CAST: variants seen among roughly 807,000 people sequenced by gnomAD.
CAST encodes the protein calpastatin, also known as MIR583 host.
In CAST, 76 loss-of-function variants were observed where a neutral mutation model predicts 119.6. The ratio of observed to expected loss-of-function variants is 0.64; its 90% CI spans 0.53 to 0.77. CAST has a LOEUF of 0.77. Ranked by LOEUF, CAST falls within the 30% of genes least tolerant of loss-of-function variation. CAST has a pLI of 0.00. For missense variants in CAST, 953 were observed against 946.5 expected (o/e 1.01, Z -0.09); for synonymous variants, 319 against 331.6 (o/e 0.96, Z 0.41).
At chr5:96,359,931 C>T in the CAST span, among the ~76,000 whole-genome samples, 1 of 152,150 alleles carries the variant, frequency 6.6e-6, no homozygotes, top group Non-Finnish European at 1.5e-5. Flanking sequence ...AGGGTGTCTT[C>T]CAACTTGGTT....
At chr5:96,070,833 C>T in the CAST span, among the ~76,000 whole-genome samples, 1 of 152,082 alleles carries the variant, frequency 6.6e-6, no homozygotes, top group Non-Finnish European at 1.5e-5. Context: ...GTATGTAACC[C>T]TAGGAACATC....
At chr5:96,023,577 G>A in the CAST span, among the ~76,000 whole-genome samples, 1 of 151,920 alleles carries the variant, frequency 6.6e-6, no homozygotes, top group South Asian at 2.1e-4. Context: ...TCTTCTTATG[G>A]CTACTTCATG....
the CAST span, among the ~76,000 whole-genome samples, chr5:96,052,920 C>A: frequency 1.3e-5 from 2 of 152,158 alleles, no homozygotes; most frequent in Admixed American, 6.5e-5. Context: ...GGATTAGGTG[C>A]TTTTACATAT....
intron 1 of CAST, among the ~76,000 whole-genome samples, chr5:96,538,727 A>G (rs1447281246): frequency 8.2e-6 from 1 of 121,388 alleles, no homozygotes. Context: ...TCACTCATAC[A>G]TAAGACCCCC....
chr5:96,360,863 C>T, the CAST span, among the ~76,000 whole-genome samples: 2 of 152,214 alleles, frequency 1.3e-5, no homozygotes, highest in African/African-American at 4.8e-5. Context: ...AAGAGCTGTG[C>T]TGGGAGATCC....
At chr5:96,592,803 C>T (rs919134408) in intron 1 of CAST, among the ~76,000 whole-genome samples, 9 of 150,044 alleles carry the variant, frequency 6.0e-5, no homozygotes, top group Non-Finnish European at 1.0e-4. Flanking sequence ...CTTGCTCTGT[C>T]GCCCAGGCTG....
intron 24 of CAST, among the ~76,000 whole-genome samples, chr5:96,758,983 G>C (rs1418686057): frequency 6.6e-6 from 1 of 152,060 alleles, no homozygotes; most frequent in African/African-American, 2.4e-5. Flanking sequence ...TATTACAATT[G>C]TTAGGGTTGT....
intron 9 of CAST, among the ~76,000 whole-genome samples, chr5:96,731,869 A>T (rs1760603070): frequency 1.3e-5 from 2 of 152,188 alleles, no homozygotes; most frequent in South Asian, 4.2e-4. Context: ...TCCATGGTGT[A>T]TATGTGCCAC....
intron 25 of CAST, 99 bp from the exon 26 acceptor site, chr5:96,765,122 G>C (rs965943113): frequency 2.8e-6 from 2 of 719,636 alleles, no homozygotes; most frequent in Non-Finnish European, 2.5e-6. Flanking sequence ...TTCTTCCAAG[G>C]AAACAGGTTC....
intron 1 of CAST, among the ~76,000 whole-genome samples, chr5:96,619,508 C>T (rs1452894347): frequency 6.6e-6 from 1 of 152,262 alleles, no homozygotes; most frequent in Non-Finnish European, 1.5e-5. Context: ...CTAGCAGCAG[C>T]AACCTGCTGG....
chr5:96,448,732 T>C, the CAST span, among the ~76,000 whole-genome samples: 1 of 152,088 alleles, frequency 6.6e-6, no homozygotes, highest in Non-Finnish European at 1.5e-5. Flanking sequence ...GGGAGGAGTC[T>C]GGGCTAGTAT....
At chr5:96,252,771 A>T in the CAST span, among the ~76,000 whole-genome samples, 2 of 152,170 alleles carry the variant, frequency 1.3e-5, no homozygotes, top group Non-Finnish European at 2.9e-5. Flanking sequence ...GATTTCTAAA[A>T]TACAGGAAGT....
chr5:96,669,899 A>G (rs76921443), intron 1 of CAST, among the ~76,000 whole-genome samples: 2,609 of 152,282 alleles, frequency 0.017, 38 homozygotes, highest in Non-Finnish European at 0.025. Flanking sequence ...ACTTTAGAAA[A>G]ATTTATCCAT....
At chr5:96,399,073 A>G in the CAST span, 1 of 1,508,766 alleles carries the variant, frequency 6.6e-7, no homozygotes, top group Non-Finnish European at 9.1e-7. Flanking sequence ...AATAAAGTAT[A>G]TCCAAACTTC....
At chr5:96,064,819 G>T in the CAST span, among the ~76,000 whole-genome samples, 1 of 151,972 alleles carries the variant, frequency 6.6e-6, no homozygotes, top group Non-Finnish European at 1.5e-5. Flanking sequence ...ATTGTTTTTT[G>T]TTTCTGATTC....
chr5:96,730,649 T>A, intron 8 of CAST, 131 bp from the exon 9 acceptor site: 1 of 690,074 alleles, frequency 1.4e-6, no homozygotes, highest in Non-Finnish European at 2.6e-6. Context: ...ACAATAGAAG[T>A]GAGCAAACAT....
At chr5:96,190,741 T>G in the CAST span, among the ~76,000 whole-genome samples, 4 of 152,184 alleles carry the variant, frequency 2.6e-5, no homozygotes, top group Non-Finnish European at 5.9e-5. Flanking sequence ...ATTTCAACCT[T>G]TTTTTAAATT....
the CAST span, among the ~76,000 whole-genome samples, chr5:96,360,126 A>G: frequency 6.6e-6 from 1 of 151,532 alleles, no homozygotes; most frequent in Non-Finnish European, 1.5e-5. Context: ...TGATCGCTTC[A>G]GCTATTGATA....
the CAST span, among the ~76,000 whole-genome samples, chr5:95,971,010 A>G: frequency 2.6e-5 from 4 of 152,210 alleles, no homozygotes; most frequent in Non-Finnish European, 5.9e-5. Context: ...CATAATGTTG[A>G]TGATCTATTA....
Sources: allele counts gnomAD v4.1 joint callset (sites outside exome capture counted in the v4.1 genomes callset), GRCh38; gene constraint gnomAD v4.1.1; transcripts MANE v1.5; gene names NCBI Gene and HGNC (gene_info 2026-07-23, HGNC 2026-07-21).